SYT14: variants seen among roughly 807,000 people sequenced by gnomAD.
The protein encoded by SYT14 is synaptotagmin-14.
In SYT14, 32 loss-of-function variants were observed where a neutral mutation model predicts 74.2. The ratio of observed to expected loss-of-function variants is 0.43; its 90% CI spans 0.33 to 0.58. The LOEUF (loss-of-function observed/expected upper bound fraction) is 0.58. Among genes scored for constraint, SYT14 ranks in the 20% least tolerant of loss-of-function variants. SYT14 has a pLI of 0.05. For missense variants in SYT14, 791 were observed against 981.8 expected (o/e 0.81, Z 2.60); for synonymous variants, 298 against 337.7 (o/e 0.88, Z 1.29).
intron 6 of SYT14, among the ~76,000 whole-genome samples, chr1:210,099,072 T>G (rs1311271485): frequency 6.6e-6 from 1 of 152,134 alleles, no homozygotes; most frequent in East Asian, 1.9e-4. Context: ...CACTCAAAAT[T>G]TAGAAAATTT....
chr1:210,063,617 A>G (rs2081244855), intron 5 of SYT14, among the ~76,000 whole-genome samples: 1 of 151,750 alleles, frequency 6.6e-6, no homozygotes, highest in Admixed American at 6.6e-5. Flanking sequence ...AAGTTTTTTG[A>G]TGCCCTTCCT....
chr1:210,112,783 C>A (rs576624076), intron 7 of SYT14, among the ~76,000 whole-genome samples: 2 of 151,324 alleles, frequency 1.3e-5, no homozygotes, highest in Admixed American at 6.5e-5. Flanking sequence ...GAGGAAACTT[C>A]TTTTTGCCTA....
chr1:209,981,456 T>TC (rs1352205179), intron 2 of SYT14, among the ~76,000 whole-genome samples: 1 of 140,750 alleles, frequency 7.1e-6, no homozygotes, highest in Non-Finnish European at 1.6e-5. Flanking sequence ...TTTTCTTTTT[T>TC]TTTTTTTTTT....
chr1:210,105,882 A>T (rs1341988487), intron 7 of SYT14, among the ~76,000 whole-genome samples: 2 of 152,160 alleles, frequency 1.3e-5, no homozygotes, highest in Admixed American at 1.3e-4. Flanking sequence ...TCTTCATGTG[A>T]CATGCCTGCT....
chr1:210,164,297 A>G (rs1186296572), exon 10 of SYT14: 7 of 243,872 alleles, frequency 2.9e-5, no homozygotes, highest in Admixed American at 5.0e-5. Context: ...AAAAAAAAAG[A>G]AAACCCAATG....
chr1:209,986,716 C>T (rs561911993), intron 2 of SYT14, among the ~76,000 whole-genome samples: 8 of 152,154 alleles, frequency 5.3e-5, no homozygotes, highest in African/African-American at 9.6e-5. Context: ...CTCTGCCTCC[C>T]GGGTTCAAGC....
At chr1:210,078,265 A>C (rs61826855) in intron 5 of SYT14, among the ~76,000 whole-genome samples, 1 of 135,828 alleles carries the variant, frequency 7.4e-6, no homozygotes, top group Non-Finnish European at 1.5e-5. Context: ...AGCTGAGATC[A>C]CGCCACTGCA....
At chr1:209,974,299 T>C (rs1392293246) in intron 2 of SYT14, among the ~76,000 whole-genome samples, 1 of 152,194 alleles carries the variant, frequency 6.6e-6, no homozygotes, top group Non-Finnish European at 1.5e-5. Context: ...GCCTATGTCC[T>C]GAATGGTATT....
intron 5 of SYT14, among the ~76,000 whole-genome samples, chr1:210,061,061 T>C (rs2081199671): frequency 6.6e-6 from 1 of 152,036 alleles, no homozygotes; most frequent in South Asian, 2.1e-4. Context: ...CTTCCATGCC[T>C]TTATTGTATT....
chr1:209,965,528 G>A (rs962645615), intron 2 of SYT14, among the ~76,000 whole-genome samples: 2 of 152,144 alleles, frequency 1.3e-5, no homozygotes, highest in Admixed American at 1.3e-4. Context: ...ATATAAGTGC[G>A]TGTATCTTTT....
intron 2 of SYT14, among the ~76,000 whole-genome samples, chr1:210,006,129 C>A: frequency 6.6e-6 from 1 of 151,866 alleles, no homozygotes; most frequent in African/African-American, 2.4e-5. Flanking sequence ...TCCATTGTCC[C>A]TTTAAGTTAC....
chr1:209,959,907 G>A (rs535261279), intron 2 of SYT14, among the ~76,000 whole-genome samples: 1 of 152,248 alleles, frequency 6.6e-6, no homozygotes, highest in South Asian at 2.1e-4. Context: ...GGTGAATGTT[G>A]TGGCATATGT....
chr1:210,059,451 T>TATATATATATATATAGAGAGAGAG (rs377050610), intron 5 of SYT14, among the ~76,000 whole-genome samples: 7 of 69,896 alleles, frequency 1.0e-4, no homozygotes, highest in African/African-American at 3.1e-4. Flanking sequence ...TATATATATA[T>TATATATATATATATAGAGAGAGAG]AGAGAGAGAG....
chr1:209,971,345 T>C (rs2079252992), intron 2 of SYT14, among the ~76,000 whole-genome samples: 1 of 151,972 alleles, frequency 6.6e-6, no homozygotes, highest in Non-Finnish European at 1.5e-5. Flanking sequence ...ACAGTCTGAC[T>C]TCCTTTTGTC....
chr1:209,972,288 A>G (rs2079269718), intron 2 of SYT14, among the ~76,000 whole-genome samples: 1 of 151,706 alleles, frequency 6.6e-6, no homozygotes. Flanking sequence ...AATGTTGTTT[A>G]TCGTTTCAAA....
intron 5 of SYT14, among the ~76,000 whole-genome samples, chr1:210,078,877 A>G (rs1476485019): frequency 6.6e-6 from 1 of 151,226 alleles, no homozygotes; most frequent in African/African-American, 2.4e-5. Context: ...TTCCCCAGTA[A>G]CTGGGACTAC....
chr1:210,077,159 A>G (rs193048540), intron 5 of SYT14, among the ~76,000 whole-genome samples: 3 of 152,262 alleles, frequency 2.0e-5, no homozygotes. Context: ...GCTTCTGGGG[A>G]GGCTTCAGGG....
chr1:210,106,082 AGTT>A (rs1228832872), intron 7 of SYT14, among the ~76,000 whole-genome samples: 5 of 152,248 alleles, frequency 3.3e-5, no homozygotes, highest in Admixed American at 3.3e-4. Flanking sequence ...TGACTAACAC[AGTT>A]GCCTTCTTCT....
chr1:209,969,104 T>A (rs111666400), intron 2 of SYT14, among the ~76,000 whole-genome samples: 5 of 152,182 alleles, frequency 3.3e-5, no homozygotes, highest in African/African-American at 9.6e-5. Flanking sequence ...TGTGTAGTAT[T>A]CCATGGCGTT....
Sources: gnomAD v4.1 joint callset for allele counts (sites outside exome capture counted in the v4.1 genomes callset) on GRCh38, gnomAD v4.1.1 for gene constraint, MANE v1.5 for transcripts, NCBI Gene and HGNC (gene_info 2026-07-23, HGNC 2026-07-21) for gene names.